ZFHX3: variants seen among roughly 807,000 people sequenced by gnomAD.
The protein encoded by ZFHX3 is zinc finger homeobox protein 3.
A neutral mutation model predicts 279.1 loss-of-function variants in ZFHX3; 42 were observed. That is an observed-to-expected ratio of 0.15 (90% confidence interval 0.12 to 0.19). The LOEUF is 0.19. Among genes scored for constraint, ZFHX3 ranks in the 10% least tolerant of loss-of-function variants. ZFHX3 has a pLI of 1.00. For missense variants in ZFHX3, 4,981 were observed against 4,754.0 expected (o/e 1.05, Z -1.40); for synonymous variants, 2,293 against 1,957.8 (o/e 1.17, Z -4.52).
intron 1 of ZFHX3, among the ~76,000 whole-genome samples, chr16:72,978,113 C>T (rs182075869): frequency 3.3e-5 from 5 of 152,194 alleles, no homozygotes; most frequent in Non-Finnish European, 5.9e-5. Context: ...GACCTGCCCG[C>T]CTCATCCTCC....
chr16:73,753,162 C>T (rs2142272246), intron 1 of ZFHX3, among the ~76,000 whole-genome samples: 1 of 152,298 alleles, frequency 6.6e-6, no homozygotes, highest in Non-Finnish European at 1.5e-5. Flanking sequence ...AAGCTACATT[C>T]AGGCATGAGT....
chr16:73,783,401 C>G (rs1297574429), intron 1 of ZFHX3, among the ~76,000 whole-genome samples: 1 of 152,196 alleles, frequency 6.6e-6, no homozygotes, highest in African/African-American at 2.4e-5. Flanking sequence ...TCCCCAAAAC[C>G]TCCTTTACAC....
chr16:73,729,260 C>T (rs2053547974), intron 1 of ZFHX3, among the ~76,000 whole-genome samples: 1 of 152,178 alleles, frequency 6.6e-6, no homozygotes, highest in South Asian at 2.1e-4. Flanking sequence ...GGCGTGGAGG[C>T]TCACGCCTGT....
intron 7 of ZFHX3, among the ~76,000 whole-genome samples, chr16:73,105,384 CACACACACACATATATATATATAT>C (rs1246917206): frequency 0.018 from 788 of 43,134 alleles, 12 homozygotes; most frequent in Non-Finnish European, 0.034. Context: ...TATATATATA[CACACACACACATATATATATATAT>C]ACACACACAC....
intron 1 of ZFHX3, among the ~76,000 whole-genome samples, chr16:73,792,864 C>G (rs573211588): frequency 4.7e-5 from 7 of 147,948 alleles, no homozygotes; most frequent in East Asian, 2.0e-4. Context: ...GCACCCCCCC[C>G]CTCCCCTCTC....
At chr16:73,449,342 G>C (rs1302058245) in intron 3 of ZFHX3, among the ~76,000 whole-genome samples, 1 of 152,138 alleles carries the variant, frequency 6.6e-6, no homozygotes, top group Non-Finnish European at 1.5e-5. Flanking sequence ...AATTAGAATA[G>C]AGCATCTAAC....
intron 1 of ZFHX3, among the ~76,000 whole-genome samples, chr16:72,984,892 A>G (rs187423305): frequency 6.6e-6 from 1 of 152,352 alleles, no homozygotes; most frequent in East Asian, 1.9e-4. Flanking sequence ...ACATGTATAT[A>G]GTATACATAT....
At chr16:73,640,643 C>G (rs2052565260) in intron 2 of ZFHX3, among the ~76,000 whole-genome samples, 1 of 151,734 alleles carries the variant, frequency 6.6e-6, no homozygotes, top group African/African-American at 2.4e-5. Context: ...AGAAGTTTCC[C>G]TAAAAGTACA....
chr16:72,995,975 C>T (rs753778658), intron 1 of ZFHX3, among the ~76,000 whole-genome samples: 21 of 152,142 alleles, frequency 1.4e-4, no homozygotes, highest in Non-Finnish European at 2.1e-4. Context: ...CATATTCATA[C>T]GTTCTTTTAC....
intron 4 of ZFHX3, among the ~76,000 whole-genome samples, chr16:72,833,699 C>T (rs1012580924): frequency 1.3e-5 from 2 of 152,144 alleles, no homozygotes; most frequent in East Asian, 1.9e-4. Flanking sequence ...CCCCTAGTCC[C>T]GCCCTGGTTC....
intron 1 of ZFHX3, among the ~76,000 whole-genome samples, chr16:73,802,440 A>C (rs556080383): frequency 1.3e-5 from 2 of 152,206 alleles, no homozygotes; most frequent in South Asian, 2.1e-4. Context: ...CATGACTTTC[A>C]AAAGTCTCAT....
chr16:73,812,256 C>T (rs900181615), intron 1 of ZFHX3, among the ~76,000 whole-genome samples: 7 of 152,300 alleles, frequency 4.6e-5, no homozygotes, highest in Middle Eastern at 3.4e-3. Context: ...ACACTAAGCT[C>T]CCATGGCTGA....
chr16:73,699,503 T>C (rs1430941251), intron 1 of ZFHX3, among the ~76,000 whole-genome samples: 3 of 152,188 alleles, frequency 2.0e-5, no homozygotes, highest in East Asian at 3.9e-4. Flanking sequence ...GCCAAGTTTT[T>C]TGTTACACGA....
chr16:73,625,380 A>C (rs2142141647), intron 2 of ZFHX3, among the ~76,000 whole-genome samples: 1 of 152,348 alleles, frequency 6.6e-6, no homozygotes, highest in South Asian at 2.1e-4. Context: ...ATACTTAAGG[A>C]AGTTTAAATG....
chr16:73,491,233 G>C (rs1422226339), intron 2 of ZFHX3, among the ~76,000 whole-genome samples: 2 of 152,158 alleles, frequency 1.3e-5, no homozygotes, highest in African/African-American at 4.8e-5. Context: ...CTGGAGTATG[G>C]CCTTGGCTGT....
chr16:73,661,952 G>T (rs200296754), intron 2 of ZFHX3, among the ~76,000 whole-genome samples: 17 of 148,366 alleles, frequency 1.1e-4, no homozygotes, highest in South Asian at 2.1e-4. Flanking sequence ...CACCTATAAC[G>T]TAGGTCATTC....
intron 1 of ZFHX3, among the ~76,000 whole-genome samples, chr16:73,789,278 T>G (rs1959754149): frequency 6.6e-6 from 1 of 151,900 alleles, no homozygotes; most frequent in African/African-American, 2.4e-5. Context: ...CCTCCCAGGT[T>G]CAAGCGATTC....
At chr16:73,570,539 T>C (rs1275695663) in intron 2 of ZFHX3, among the ~76,000 whole-genome samples, 2 of 152,202 alleles carry the variant, frequency 1.3e-5, no homozygotes, top group Non-Finnish European at 2.9e-5. Context: ...TTTTCCAAAA[T>C]GGCGACTTTC....
At chr16:73,436,638 A>T (rs1421058263) in intron 3 of ZFHX3, among the ~76,000 whole-genome samples, 1 of 152,070 alleles carries the variant, frequency 6.6e-6, no homozygotes, top group East Asian at 1.9e-4. Context: ...ACCCACTGCC[A>T]CTGCTACCAG....
Sources: gnomAD v4.1 joint callset for allele counts (sites outside exome capture counted in the v4.1 genomes callset) on GRCh38, gnomAD v4.1.1 for gene constraint, MANE v1.5 for transcripts, NCBI Gene and HGNC (gene_info 2026-07-23, HGNC 2026-07-21) for gene names.